Variants in KCNH7 observed in about 807,000 individuals in gnomAD.
The protein encoded by KCNH7 is voltage-gated inwardly rectifying potassium channel KCNH7.
KCNH7 carries 49 observed loss-of-function variants against 120.8 expected under a neutral mutation model. The observed-to-expected ratio is 0.41, with a 90% CI of 0.32 to 0.51. The LOEUF (loss-of-function observed/expected upper bound fraction) is 0.51, where lower values mean the gene tolerates loss of function less well. KCNH7 is among the 20% of genes least tolerant of loss of function. The pLI is 0.38. For missense variants in KCNH7, 1,097 were observed against 1,446.6 expected, an observed-to-expected ratio of 0.76 and a Z score of 3.92; for synonymous variants, 547 against 516.1, an observed-to-expected ratio of 1.06 and a Z score of -0.81.
intron 2 of KCNH7, among the ~76,000 whole-genome samples, chr2:162,805,114 C>A (rs1684494501): frequency 1.3e-5 from 2 of 151,900 alleles, no homozygotes; most frequent in African/African-American, 4.8e-5. Context: ...AAATCTAAGT[C>A]TTGAAACTAA....
At position 162,774,606 on chromosome 2, in the gene KCNH7, G is replaced by T. The variant is rs181507883; in HGVS notation, c.307+61931C>A. 1.9e-4 allele frequency among the ~76,000 whole-genome samples: 29 copies of T among 152,222 alleles called. No individual in the cohort carries two copies. In the East Asian group the frequency reaches 4.8e-3, roughly 25 times the overall value. Reference sequence around the variant, plus strand: ...GATGAACTGGCATGTGGATGCTCTGGGCTTGTGTGTGGTAAGAAGTCATCA... The same window carrying T: ...GATGAACTGGCATGTGGATGCTCTGTGCTTGTGTGTGGTAAGAAGTCATCA... On this transcript the variant is annotated intron_variant, in intron 2 of 15. Transcript: ENST00000332142.
At chr2:162,574,505 C>T (rs530621397) in intron 2 of KCNH7, among the ~76,000 whole-genome samples, 3 of 152,042 alleles carry the variant, frequency 2.0e-5, no homozygotes, top group South Asian at 4.2e-4. Flanking sequence ...TGCATAAGTG[C>T]ACTTGAAATG....
At chr2:162,466,145 C>G (rs1689296976) in intron 6 of KCNH7, among the ~76,000 whole-genome samples, 1 of 152,134 alleles carries the variant, frequency 6.6e-6, no homozygotes. Flanking sequence ...GTATGCTATG[C>G]TAGCTAGAGT....
At chr2:162,524,044 T>G (rs1006142565) in intron 3 of KCNH7, among the ~76,000 whole-genome samples, 2 of 151,990 alleles carry the variant, frequency 1.3e-5, no homozygotes, top group Admixed American at 1.3e-4. Context: ...CAGAGATCTG[T>G]CCCCTCACAA....
At chr2:162,683,655 T>C (rs867960730) in intron 2 of KCNH7, among the ~76,000 whole-genome samples, 1 of 151,880 alleles carries the variant, frequency 6.6e-6, no homozygotes, top group Non-Finnish European at 1.5e-5. Context: ...AGACATCATG[T>C]TTCTCAAATT....
chr2:162,579,059 A>C (rs1009549096), intron 2 of KCNH7, among the ~76,000 whole-genome samples: 1 of 152,008 alleles, frequency 6.6e-6, no homozygotes, highest in Non-Finnish European at 1.5e-5. Flanking sequence ...CTTAGCATGA[A>C]GAAAAATGTG....
At position 162,423,483 on chromosome 2, in the gene KCNH7, T is replaced by C; in HGVS notation, c.2007A>G (p.Leu669=). The change falls in exon 9 of 16, where the codon CTA becomes CTG. Residue 669 remains leucine (L), a synonymous_variant. Coordinates refer to ENST00000332142, the MANE Select transcript of KCNH7 (RefSeq NM_033272.4). ...FGNVSAIIQR[L]YSGTARYHMQ... The stretch of plus-strand genomic sequence containing the variant: ...TGTGGTACCTGGCAGTTCCCGAGTA[T>C]AGTCTTTGGATAATTGCAGATACAT... The C allele has an allele frequency of 6.2e-7, 1 of 1,614,084 alleles. No homozygotes were observed. The highest frequency in any genetic ancestry group is 8.5e-7 in the Non-Finnish European group (1 of 1,179,936).
chr2:162,474,716 G>A lies in KCNH7; in HGVS notation c.1129-28273C>T, dbSNP rs568255256. 6.6e-5 allele frequency among the ~76,000 whole-genome samples: 10 copies of A among 152,320 alleles called. No individual in the cohort carries two copies. The East Asian group carries it at 1.9e-3, about 29-fold the overall frequency. ...AACCAGCTGCCATGGTTGCTCTGGAGGAAACCAGCCTTGCTGGAAGGCTCA... is the reference window on the plus strand; with the variant it reads ...AACCAGCTGCCATGGTTGCTCTGGAAGAAACCAGCCTTGCTGGAAGGCTCA... On this transcript the variant is annotated intron_variant, in intron 6 of 15. Transcript: ENST00000332142.
At chr2:162,764,841 A>C (rs1283808753) in intron 2 of KCNH7, among the ~76,000 whole-genome samples, 1 of 152,174 alleles carries the variant, frequency 6.6e-6, no homozygotes, top group Non-Finnish European at 1.5e-5. Flanking sequence ...ACATACATTT[A>C]CTCTAGCCAA....
intron 2 of KCNH7, among the ~76,000 whole-genome samples, chr2:162,628,484 G>A (rs560972426): frequency 7.2e-4 from 109 of 152,188 alleles, no homozygotes; most frequent in African/African-American, 2.6e-3. Context: ...AAGCGGGTTT[G>A]TTACATAGGT....
chr2:162,706,235 C>A (rs947416040), intron 2 of KCNH7, among the ~76,000 whole-genome samples: 2 of 152,002 alleles, frequency 1.3e-5, no homozygotes, highest in Admixed American at 6.6e-5. Flanking sequence ...CTACAGAAAC[C>A]TTAAGAAACT....
At chr2:162,769,235 C>T (rs952879864) in intron 2 of KCNH7, among the ~76,000 whole-genome samples, 3 of 141,316 alleles carry the variant, frequency 2.1e-5, no homozygotes, top group Non-Finnish European at 4.5e-5. Flanking sequence ...AAACTGGAAA[C>T]GCTCCAGTTT....
At chr2:162,775,546 A>G (rs935275348) in intron 2 of KCNH7, among the ~76,000 whole-genome samples, 3 of 152,198 alleles carry the variant, frequency 2.0e-5, no homozygotes, top group Admixed American at 2.0e-4. Context: ...AATCAAAGTA[A>G]AAAACTGATT....
intron 7 of KCNH7, among the ~76,000 whole-genome samples, chr2:162,443,855 C>G (rs1490052957): frequency 6.6e-6 from 1 of 152,160 alleles, no homozygotes; most frequent in African/African-American, 2.4e-5. Flanking sequence ...AGCATTCCAC[C>G]TCTTACTGTG....
chr2:162,635,632 T>C lies in KCNH7; in HGVS notation c.308-98552A>G, dbSNP rs572365648. Among the ~76,000 whole-genome samples, 8 of 152,224 alleles carry C rather than the reference T, an allele frequency of 5.3e-5. No individual in the cohort carries two copies. In the East Asian group the frequency reaches 1.5e-3, roughly 29 times the overall value. On this transcript the variant is annotated intron_variant, in intron 2 of 15. Coordinates refer to ENST00000332142, the MANE Select transcript of KCNH7 (RefSeq NM_033272.4). ...GCTAATTCTTTTTGAATAGTAACTATGTTGGTTGTGATCTATTCACCTCTT... is the reference window on the plus strand; with the variant it reads ...GCTAATTCTTTTTGAATAGTAACTACGTTGGTTGTGATCTATTCACCTCTT...
At chr2:162,719,861 T>G (rs1687262577) in intron 2 of KCNH7, among the ~76,000 whole-genome samples, 1 of 152,066 alleles carries the variant, frequency 6.6e-6, no homozygotes, top group African/African-American at 2.4e-5. Flanking sequence ...GTTAAGAGTC[T>G]TTGTTTAAAT....
chr2:162,553,041 G>A (rs547750731), intron 2 of KCNH7, among the ~76,000 whole-genome samples: 1 of 152,282 alleles, frequency 6.6e-6, no homozygotes, highest in East Asian at 1.9e-4. Context: ...TTCAGCAATA[G>A]GAGAGTAACA....
chr2:162,773,023 T>G (rs1316306565), intron 2 of KCNH7, among the ~76,000 whole-genome samples: 1 of 152,216 alleles, frequency 6.6e-6, no homozygotes, highest in Non-Finnish European at 1.5e-5. Flanking sequence ...TCACCTCAAA[T>G]GATAAGTTCA....
At chr2:162,586,253 A>C (rs768576852) in intron 2 of KCNH7, among the ~76,000 whole-genome samples, 1 of 152,074 alleles carries the variant, frequency 6.6e-6, no homozygotes, top group Non-Finnish European at 1.5e-5. Flanking sequence ...TAGAATGTGC[A>C]GGAAGTGACA....
Sources: allele counts gnomAD v4.1 joint callset (sites outside exome capture counted in the v4.1 genomes callset), GRCh38; gene constraint gnomAD v4.1.1; transcripts MANE v1.5; gene names NCBI Gene and HGNC (gene_info 2026-07-23, HGNC 2026-07-21).